The following LRRK2 variants were observed in gnomAD, a reference collection of about 807,000 sequenced individuals.
The protein encoded by LRRK2 is leucine-rich repeat serine/threonine-protein kinase 2.
LRRK2 carries 203 observed loss-of-function variants against 302.6 expected under a neutral mutation model. The observed-to-expected ratio is 0.67, with a 90% CI of 0.60 to 0.75. The LOEUF (loss-of-function observed/expected upper bound fraction) is 0.75. Ranked by LOEUF, LRRK2 falls within the 30% of genes least tolerant of loss-of-function variation. The pLI, the probability that LRRK2 is intolerant of heterozygous loss-of-function variation, is 0.00. For missense variants in LRRK2, 2,830 were observed against 2,951.0 expected, an observed-to-expected ratio of 0.96 and a Z score of 0.95; for synonymous variants, 1,066 against 1,031.9, an observed-to-expected ratio of 1.03 and a Z score of -0.63.
At chr12:40,301,351 G>T (rs1389037393) in intron 25 of LRRK2, among the ~76,000 whole-genome samples, 1 of 152,100 alleles carries the variant, frequency 6.6e-6, no homozygotes, top group Non-Finnish European at 1.5e-5. Context: ...TTGAACCAGG[G>T]AGTCAGAGGT....
At chr12:40,335,439 G>A (rs552263948) in intron 40 of LRRK2, among the ~76,000 whole-genome samples, 6 of 152,318 alleles carry the variant, frequency 3.9e-5, no homozygotes, top group South Asian at 2.1e-4. Context: ...CTATAAAAAT[G>A]TATAAGTTAG....
chr12:40,242,812 A>AAAAAAAAAAAAAAAAAG (rs1941793525), intron 6 of LRRK2, among the ~76,000 whole-genome samples: 1 of 116,798 alleles, frequency 8.6e-6, no homozygotes, highest in Non-Finnish European at 1.8e-5. Context: ...ATCAAAAAAA[A>AAAAAAAAAAAAAAAAAG]AAAAAGGTAA....
chr12:40,350,804 T>C (rs1052839441), intron 43 of LRRK2, among the ~76,000 whole-genome samples: 2 of 152,140 alleles, frequency 1.3e-5, no homozygotes, highest in South Asian at 4.1e-4. Context: ...TTCTTTCTTG[T>C]TTTTTCATTT....
At chr12:40,230,519 G>A (rs1384592879) in intron 2 of LRRK2, among the ~76,000 whole-genome samples, 1 of 152,172 alleles carries the variant, frequency 6.6e-6, no homozygotes, top group Non-Finnish European at 1.5e-5. Flanking sequence ...TCTGGCTTAA[G>A]CTCTACCTCT....
At chr12:40,242,309 A>G (rs1440910145) in intron 6 of LRRK2, among the ~76,000 whole-genome samples, 1 of 152,132 alleles carries the variant, frequency 6.6e-6, no homozygotes, top group Non-Finnish European at 1.5e-5. Context: ...CAAAACAAAT[A>G]CTAAAATGTT....
intron 2 of LRRK2, among the ~76,000 whole-genome samples, 191 bp downstream of exon 2, chr12:40,225,831 A>G (rs1940847250): frequency 6.6e-6 from 1 of 152,176 alleles, no homozygotes; most frequent in Non-Finnish European, 1.5e-5. Flanking sequence ...GAGCCCCAGT[A>G]TGTGTTCCCT....
intron 25 of LRRK2, chr12:40,301,011 C>A (rs1337109399): frequency 2.1e-6 from 1 of 466,378 alleles, no homozygotes; most frequent in African/African-American, 2.0e-5. Flanking sequence ...CAGGTATGAC[C>A]TCTGCCCAAT....
chr12:40,307,564 A>G (rs1186162154), intron 28 of LRRK2, among the ~76,000 whole-genome samples: 5 of 151,876 alleles, frequency 3.3e-5, no homozygotes, highest in Admixed American at 6.6e-5. Context: ...CACTATCCAT[A>G]TATACTATTA....
At chr12:40,293,514 C>T (rs1319669774) in intron 20 of LRRK2, 31 bp from the exon 21 acceptor site, 1 of 1,374,770 alleles carries the variant, frequency 7.3e-7, no homozygotes, top group Non-Finnish European at 1.0e-6. Flanking sequence ...TTTGTATTCA[C>T]CTTCATGTTA....
intron 7 of LRRK2, among the ~76,000 whole-genome samples, chr12:40,247,557 G>A (rs1377322646): frequency 1.0e-4 from 9 of 86,208 alleles, no homozygotes; most frequent in African/African-American, 3.4e-4. Context: ...TTTATACACA[G>A]ATGTATATAA....
At position 40,305,961 on chromosome 12, in the gene LRRK2, C is replaced by T; in HGVS notation, c.3954C>T (p.Ile1318=). The T allele has an allele frequency of 6.2e-7, 1 of 1,605,396 alleles. No homozygotes were observed. Among genetic ancestry groups the T allele is most frequent in the Non-Finnish European group, 8.5e-7 (1 of 1,174,026 alleles). Residue 1318 remains isoleucine, a synonymous_variant, in exon 28 of 51, where the codon ATC becomes ATT. Coordinates refer to ENST00000298910, the MANE Select transcript of LRRK2 (RefSeq NM_198578.4). ...ATATAGGATGTAAAGCCAAAGACATCATAAGGTTAGATAATTTTTTTCTAT... is the reference window on the plus strand; with the variant it reads ...ATATAGGATGTAAAGCCAAAGACATTATAAGGTTAGATAATTTTTTTCTAT... The part of the protein sequence containing the change: ...FKHIGCKAKD[I]IRFLQQRLKK...
chr12:40,367,150 T>G (rs1946902957), intron 50 of LRRK2, 73 bp downstream of exon 50: 2 of 1,214,984 alleles, frequency 1.6e-6, no homozygotes, highest in East Asian at 4.8e-5. Context: ...ATGTGTTTCA[T>G]AAATTTGTAG....
chr12:40,356,195 T>C lies in LRRK2; in HGVS notation c.6843+8T>C, dbSNP rs766586766. ...GAAGATAAGACTGTTAAGGTAAATG[T>C]TGAATGCATTCTACATCTAAATTTA... On this transcript the variant is annotated splice_region_variant and intron_variant, in intron 46 of 50. Coordinates refer to ENST00000298910, the MANE Select transcript of LRRK2 (RefSeq NM_198578.4). The C allele has an allele frequency of 5.6e-6, 9 of 1,595,392 alleles. 1 individual carries two copies. The South Asian group carries it at 8.9e-5, about 16-fold the overall frequency.
chr12:40,291,503 CATTT>C (rs1441701002), intron 20 of LRRK2, among the ~76,000 whole-genome samples: 1 of 151,154 alleles, frequency 6.6e-6, no homozygotes, highest in African/African-American at 2.4e-5. Context: ...AGAAGGCTGT[CATTT>C]ATTTTCCAAA....
chr12:40,293,355 A>C (rs1592237574), intron 20 of LRRK2, among the ~76,000 whole-genome samples, 190 bp from the exon 21 acceptor site: 1 of 151,980 alleles, frequency 6.6e-6, no homozygotes, highest in African/African-American at 2.4e-5. Context: ...AATGTTGTTG[A>C]ATTTTTAAAG....
chr12:40,264,715 T>C (rs1038377495), intron 14 of LRRK2, among the ~76,000 whole-genome samples: 6 of 152,236 alleles, frequency 3.9e-5, no homozygotes, highest in Non-Finnish European at 7.3e-5. Flanking sequence ...ACCTCTGAAA[T>C]GATTTGGTAT....
At chr12:40,295,388 T>A (rs1944340618) in intron 22 of LRRK2, 39 bp from the exon 23 acceptor site, 1 of 1,570,946 alleles carries the variant, frequency 6.4e-7, no homozygotes, top group Non-Finnish European at 8.7e-7. Context: ...TTTAAATTAT[T>A]TGCTTATATT....
At chr12:40,294,342 C>T (rs1204071790) in intron 21 of LRRK2, among the ~76,000 whole-genome samples, 1 of 151,916 alleles carries the variant, frequency 6.6e-6, no homozygotes, top group Non-Finnish European at 1.5e-5. Context: ...AATTGGGAGC[C>T]ACCTTATTCT....
In LRRK2 at chr12:40,359,399, A is replaced by G; in HGVS notation, c.6983A>G (p.Asn2328Ser). ...GGCACAAAGATTTTCTCCTTTTCTA[A>G]TGATTTCACCATTCAGAAACTCATT... ...GCGTKIFSFSNDFTIQKLIET... is the reference protein window; with the variant it reads ...GCGTKIFSFSSDFTIQKLIET... Residue 2328 changes from asparagine (N) to serine (S), a missense_variant, in exon 47 of 51, where the codon AAT (asparagine) becomes AGT (serine). This residue lies in a region of LRRK2 where 456 missense variants were observed against 456.3 expected (regional missense o/e 1.00). Coordinates refer to ENST00000298910, the MANE Select transcript of LRRK2 (RefSeq NM_198578.4). 6 of 1,613,414 alleles carry G rather than the reference A, an allele frequency of 3.7e-6. No homozygotes were observed. Among genetic ancestry groups the G allele is most frequent in the Middle Eastern group, 1.7e-4 (1 of 6,048 alleles).
Sources: allele counts gnomAD v4.1 joint callset (sites outside exome capture counted in the v4.1 genomes callset), GRCh38; gene constraint gnomAD v4.1.1; regional missense constraint gnomAD v4.1.1; transcripts MANE v1.5; gene names NCBI Gene and HGNC (gene_info 2026-07-23, HGNC 2026-07-21).